The following ENTPD7 variants were observed in gnomAD, a reference collection of about 807,000 sequenced individuals.
ENTPD7 encodes the protein NTPDase 7.
Under a neutral mutation model 77.9 loss-of-function variants are expected in ENTPD7, and 53 were observed. The ratio of observed to expected loss-of-function variants is 0.68; its 90% CI spans 0.55 to 0.85. ENTPD7 has a LOEUF of 0.85. ENTPD7 is among the 40% of genes least tolerant of loss of function. The pLI, the probability that ENTPD7 is intolerant of heterozygous loss-of-function variation, is 0.00. For synonymous variants in ENTPD7, 248 were observed against 274.9 expected (o/e 0.90, Z 0.97); for missense variants, 636 against 743.7 (o/e 0.86, Z 1.68).
chr10:99,688,636 G>T, intron 6 of ENTPD7, 58 bp from the exon 7 acceptor site: 2 of 1,533,896 alleles, frequency 1.3e-6, no homozygotes, highest in Non-Finnish European at 1.8e-6. Context: ...TAAGGGAGAG[G>T]TGTATACATG....
Position 99,659,930 on chromosome 10 carries a change from A to G in ENTPD7, c.-27A>G, listed in dbSNP as rs1163884213. 4 of 1,613,796 alleles carry G rather than the reference A, an allele frequency of 2.5e-6. No homozygotes were observed. Among genetic ancestry groups the G allele is most frequent in the African/African-American group, 1.3e-5 (1 of 74,870 alleles). On this transcript the variant is annotated 5_prime_UTR_variant, in exon 2 of 13. Coordinates refer to ENST00000370489, the MANE Select transcript of ENTPD7 (RefSeq NM_020354.5). The surrounding 1 kb of genome is among the most constrained non-coding windows in gnomAD (Gnocchi z 4.1). ...CAGGGCAAAAGAAAAAGAAGGTGAC[A>G]GGCGTTGAGACCACCGAAGGGAACC...
At chr10:99,700,821 G>A (rs556123768) in intron 10 of ENTPD7, 152 bp from the exon 11 acceptor site, 59 of 699,030 alleles carry the variant, frequency 8.4e-5, no homozygotes, top group East Asian at 1.8e-4. Flanking sequence ...GGGGTATGAC[G>A]CAGTGTTTAG....
At chr10:99,704,410 TTAACAG>T in intron 12 of ENTPD7, 36 bp from the exon 13 acceptor site, 1 of 1,600,274 alleles carries the variant, frequency 6.2e-7, no homozygotes, top group Non-Finnish European at 8.6e-7. Context: ...CCTTTGAAAC[TTAACAG>T]TTTTTTCCAC....
intron 3 of ENTPD7, among the ~76,000 whole-genome samples, chr10:99,678,165 T>C (rs1286676332): frequency 6.6e-6 from 1 of 152,158 alleles, no homozygotes; most frequent in Non-Finnish European, 1.5e-5. Context: ...TTATCATTCT[T>C]TTTATGTTTA....
At chr10:99,678,496 T>C (rs1040957943) in intron 3 of ENTPD7, among the ~76,000 whole-genome samples, 3 of 150,768 alleles carry the variant, frequency 2.0e-5, no homozygotes, top group South Asian at 2.1e-4. Context: ...AAAAAAGATA[T>C]ATGTATATAT....
At chr10:99,660,047 G>T (rs947246711) in intron 2 of ENTPD7, 83 bp downstream of exon 2, 8 of 1,603,452 alleles carry the variant, frequency 5.0e-6, no homozygotes, top group Non-Finnish European at 6.8e-6. Context: ...GCTGTCCCAA[G>T]TGAGGTTTGC....
chr10:99,698,491 C>T (rs1403756750), intron 9 of ENTPD7, 43 bp from the exon 10 acceptor site: 5 of 1,532,766 alleles, frequency 3.3e-6, no homozygotes, highest in East Asian at 4.5e-5. Flanking sequence ...TGAATACAGG[C>T]ATGACGTGTT....
In ENTPD7 at chr10:99,691,161, A is replaced by C. The variant is rs534399682; in HGVS notation, c.710-224A>C. Among the ~76,000 whole-genome samples, 400 of 151,960 alleles carry C rather than the reference A, an allele frequency of 2.6e-3. 1 individual carries two copies. The highest frequency in any genetic ancestry group is 0.01 in the Middle Eastern group (3 of 294). On this transcript the variant is annotated intron_variant, in intron 7 of 12. Transcript: ENST00000370489. ...ACCACCATGCCCAGCTAATTAAAAAAAATTTTTTTTTTTTATGAGAGTGTC... is the reference window on the plus strand; with the variant it reads ...ACCACCATGCCCAGCTAATTAAAAACAATTTTTTTTTTTTATGAGAGTGTC...
intron 6 of ENTPD7, among the ~76,000 whole-genome samples, chr10:99,686,638 G>T (rs982816733): frequency 1.3e-5 from 2 of 151,592 alleles, no homozygotes; most frequent in African/African-American, 4.9e-5. Context: ...ATTCATTGTA[G>T]GACTGCCCAT....
At position 99,659,735 on chromosome 10, in the gene ENTPD7, C is replaced by T. The variant is rs888948963; in HGVS notation, c.-95-127C>T. 7.3e-6 allele frequency: 4 copies of T among 546,482 alleles called. No individual in the cohort carries two copies. Among genetic ancestry groups the T allele is most frequent in the African/African-American group, 3.9e-5 (2 of 51,380 alleles). The allele number at this position is 546,482 out of a possible 1,614,324, so 33.9% of individuals were successfully genotyped here. On this transcript the variant is annotated intron_variant, in intron 1 of 12. Transcript: ENST00000370489. The surrounding 1 kb of genome is among the most constrained non-coding windows in gnomAD (Gnocchi z 4.1). ...CGCTCCCAGGATGCCCGGGTAGGGT[C>T]CCCTGGGCCTGAGGAACCAGAGCAG...
In ENTPD7 at chr10:99,685,727, G is replaced by A. The variant is rs989530425; in HGVS notation, c.549-65G>A. The A allele has an allele frequency of 2.3e-5, 27 of 1,193,736 alleles. 1 individual carries two copies. Among genetic ancestry groups the A allele is most frequent in the East Asian group, 1.2e-4 (5 of 42,700 alleles). The allele number at this position is 1,193,736 out of a possible 1,614,324, so 73.9% of individuals were successfully genotyped here. A position where few individuals can be genotyped will look rare whatever the true frequency, so the allele number is the denominator to read the frequency against. On this transcript the variant is annotated intron_variant, in intron 5 of 12. Coordinates refer to ENST00000370489, the MANE Select transcript of ENTPD7 (RefSeq NM_020354.5). ...ATGACAAGGCTAAGTAGAAGGACAAGTTGAGGCAGTTTATGAGAAGAGAGT... is the reference window on the plus strand; with the variant it reads ...ATGACAAGGCTAAGTAGAAGGACAAATTGAGGCAGTTTATGAGAAGAGAGT...
rs1353066017 is a variant in ENTPD7 at position 99,709,917 on chromosome 10, A to G, written c.*5234A>G. 4 of 985,304 alleles carry G rather than the reference A, an allele frequency of 4.1e-6. No individual in the cohort carries two copies. Among genetic ancestry groups the G allele is most frequent in the Non-Finnish European group, 4.8e-6 (4 of 829,910 alleles). 61.0% of individuals were successfully genotyped at this position (985,304 alleles called of 1,614,324 possible). ...ATCTGAGCAATACGGAGATCCTTTT[A>G]TTAGTAAAACTGAATCATTACTCAT... On this transcript the variant is annotated 3_prime_UTR_variant, in exon 13 of 13. Transcript: ENST00000370489.
At chr10:99,682,372 TACTGGTTTACTG>T (rs1321721226) in intron 5 of ENTPD7, among the ~76,000 whole-genome samples, 10 of 152,228 alleles carry the variant, frequency 6.6e-5, no homozygotes, top group Non-Finnish European at 1.2e-4. Flanking sequence ...TTTTCACAGT[TACTGGTTTACTG>T]ACTGGTTTAC....
At position 99,688,765 on chromosome 10, in the gene ENTPD7, C is replaced by T; in HGVS notation, c.709+15C>T. On this transcript the variant is annotated intron_variant, in intron 7 of 12. Coordinates refer to ENST00000370489, the MANE Select transcript of ENTPD7 (RefSeq NM_020354.5). ...CCACGAGGATGGTGAGTAATATTGT[C>T]TTTTTATGACAGTTTACCTAAGGGC... 6.2e-7 allele frequency: 1 copy of T among 1,613,104 alleles called. No homozygotes were observed. The highest frequency in any genetic ancestry group is 1.3e-5 in the African/African-American group (1 of 74,986).
intron 8 of ENTPD7, among the ~76,000 whole-genome samples, chr10:99,693,082 G>C (rs1401740862): frequency 6.6e-6 from 1 of 152,196 alleles, no homozygotes; most frequent in African/African-American, 2.4e-5. Context: ...GATTGTGGTA[G>C]TGTGAGTAGG....
chr10:99,675,573 G>A (rs1564629047), intron 3 of ENTPD7, among the ~76,000 whole-genome samples: 1 of 147,310 alleles, frequency 6.8e-6, no homozygotes. Flanking sequence ...GGGTGGGGTG[G>A]GGTTTAGATT....
chr10:99,671,051 T>G (rs573716532), intron 3 of ENTPD7, among the ~76,000 whole-genome samples: 1 of 151,898 alleles, frequency 6.6e-6, no homozygotes, highest in East Asian at 1.9e-4. Context: ...TAAAATAAAT[T>G]GTACACCTGT....
chr10:99,710,341 TA>T lies in ENTPD7; in HGVS notation c.*5659del. ...GTATTTGAAATTCTCATTCCACAATTACCCTTTAGTTGAAGTCCTGAAGTAC... is the reference window on the plus strand; with the variant it reads ...GTATTTGAAATTCTCATTCCACAATTCCCTTTAGTTGAAGTCCTGAAGTAC... On this transcript the variant is annotated 3_prime_UTR_variant, in exon 13 of 13. Transcript: ENST00000370489. 1 of 985,450 alleles carries T rather than the reference TA, an allele frequency of 1.0e-6. No homozygotes were observed. Among genetic ancestry groups the T allele is most frequent in the Non-Finnish European group, 1.2e-6 (1 of 829,934 alleles). 61.0% of individuals were successfully genotyped at this position (985,450 alleles called of 1,614,324 possible). A position where few individuals can be genotyped will look rare whatever the true frequency, so the allele number is the denominator to read the frequency against.
At chr10:99,660,975 T>C (rs945328730) in intron 2 of ENTPD7, among the ~76,000 whole-genome samples, 12 of 152,080 alleles carry the variant, frequency 7.9e-5, no homozygotes, top group South Asian at 2.1e-4. Context: ...CTCTGAGAGA[T>C]TGTGGGGTCA....
Sources: allele counts gnomAD v4.1 joint callset (sites outside exome capture counted in the v4.1 genomes callset), GRCh38; gene constraint gnomAD v4.1.1; non-coding constraint Gnocchi (gnomAD v3.1); transcripts MANE v1.5; gene names NCBI Gene and HGNC (gene_info 2026-07-23, HGNC 2026-07-21).